Variants in PHACTR3 observed in about 807,000 individuals in gnomAD.
The protein encoded by PHACTR3 is phosphatase and actin regulator 3.
PHACTR3 carries 16 observed loss-of-function variants against 66.8 expected under a neutral mutation model. That is an observed-to-expected ratio of 0.24 (90% CI 0.16 to 0.36). The LOEUF is 0.36. PHACTR3 is among the 10% of genes least tolerant of loss of function. PHACTR3 has a pLI of 1.00. For missense variants in PHACTR3, 647 were observed against 719.9 expected (o/e 0.90, Z 1.16); for synonymous variants, 323 against 292.1 (o/e 1.11, Z -1.08).
chr20:59,818,636 G>A (rs1170847326), intron 8 of PHACTR3, among the ~76,000 whole-genome samples: 1 of 152,226 alleles, frequency 6.6e-6, no homozygotes, highest in Non-Finnish European at 1.5e-5. Context: ...TGGGTACTCG[G>A]TGATTTTGCA....
intron 1 of PHACTR3, among the ~76,000 whole-genome samples, chr20:59,732,344 T>C (rs138128261): frequency 2.0e-5 from 3 of 152,200 alleles, no homozygotes; most frequent in East Asian, 3.8e-4. Flanking sequence ...ACTTTTTAAA[T>C]GTAAAATGGA....
At position 59,711,366 on chromosome 20, in the gene PHACTR3, G is replaced by C. The variant is rs369248258; in HGVS notation, c.119-31741G>C. On this transcript the variant is annotated intron_variant, in intron 1 of 12. Transcript: ENST00000371015. ...ACACACATTGCCAAACGTTTTCTCA[G>C]AAAGGTGGTATTTGTTTTCACTCCC... Among the ~76,000 whole-genome samples, 168 of 152,264 alleles carry C rather than the reference G, an allele frequency of 1.1e-3. 1 individual carries two copies. The highest frequency in any genetic ancestry group is 3.7e-3 in the African/African-American group (153 of 41,564).
chr20:59,664,560 C>T (rs2035922328), intron 1 of PHACTR3, among the ~76,000 whole-genome samples: 1 of 152,198 alleles, frequency 6.6e-6, no homozygotes, highest in African/African-American at 2.4e-5. Context: ...ACAGCCTTGA[C>T]CTTCTCCTAC....
intron 1 of PHACTR3, among the ~76,000 whole-genome samples, chr20:59,638,332 T>C (rs982819550): frequency 3.2e-4 from 48 of 152,252 alleles, no homozygotes; most frequent in African/African-American, 1.1e-3. Flanking sequence ...TTATACACAG[T>C]AGAGTCTCCA....
At chr20:59,700,514 T>C (rs191794520) in intron 1 of PHACTR3, among the ~76,000 whole-genome samples, 45 of 152,346 alleles carry the variant, frequency 3.0e-4, no homozygotes, top group African/African-American at 1.1e-3. Context: ...GCAGCACTGT[T>C]TGTCAATGCC....
At chr20:59,792,116 G>A (rs979727491) in intron 7 of PHACTR3, among the ~76,000 whole-genome samples, 1 of 152,194 alleles carries the variant, frequency 6.6e-6, no homozygotes, top group Non-Finnish European at 1.5e-5. Context: ...AGAGAGGGCA[G>A]CTCTTCCTGG....
intron 1 of PHACTR3, among the ~76,000 whole-genome samples, chr20:59,741,332 G>A (rs2039155685): frequency 6.6e-6 from 1 of 152,268 alleles, no homozygotes; most frequent in Non-Finnish European, 1.5e-5. Flanking sequence ...GGTCCTGGCA[G>A]AGGTCTGGGC....
chr20:59,670,139 T>C (rs891022157), intron 1 of PHACTR3, among the ~76,000 whole-genome samples: 1 of 152,240 alleles, frequency 6.6e-6, no homozygotes, highest in African/African-American at 2.4e-5. Flanking sequence ...CTGCTCTTTC[T>C]TCTGATCTTT....
chr20:59,757,778 G>T (rs369771765), intron 4 of PHACTR3, among the ~76,000 whole-genome samples: 1 of 152,156 alleles, frequency 6.6e-6, no homozygotes, highest in African/African-American at 2.4e-5. Flanking sequence ...ATAGCATGAC[G>T]CCATCTCTAC....
chr20:59,607,296 G>T (rs566512430), intron 1 of PHACTR3, among the ~76,000 whole-genome samples: 4 of 152,216 alleles, frequency 2.6e-5, no homozygotes, highest in African/African-American at 9.6e-5. Context: ...TGGGGTTTTA[G>T]GTATTGAAAC....
In PHACTR3 at chr20:59,781,462, G is replaced by A. The variant is rs541753673; in HGVS notation, c.1174+6972G>A. Reference sequence around the variant, plus strand: ...CACATCTGGGCCCTGGCTGCCTTTCGGTAGCTCACAGGTGATGTCAGTGAC... The same window carrying A: ...CACATCTGGGCCCTGGCTGCCTTTCAGTAGCTCACAGGTGATGTCAGTGAC... On this transcript the variant is annotated intron_variant, in intron 7 of 12. Coordinates refer to ENST00000371015, the MANE Select transcript of PHACTR3 (RefSeq NM_080672.5). Among the ~76,000 whole-genome samples the A allele has an allele frequency of 5.3e-5, 8 of 152,278 alleles. No homozygotes were observed. The South Asian group carries it at 1.5e-3, about 28-fold the overall frequency.
chr20:59,839,541 G>A (rs568549329), intron 9 of PHACTR3, among the ~76,000 whole-genome samples: 10 of 152,172 alleles, frequency 6.6e-5, no homozygotes, highest in Admixed American at 3.3e-4. Context: ...TCAGGTCAGG[G>A]ACATAAGGCT....
intron 1 of PHACTR3, among the ~76,000 whole-genome samples, chr20:59,722,825 G>T (rs6070927): frequency 6.6e-6 from 1 of 152,176 alleles, no homozygotes; most frequent in African/African-American, 2.4e-5. Flanking sequence ...CTCTGCTCAC[G>T]GTGGGGGCAT....
chr20:59,816,509 A>C (rs2041891718), intron 8 of PHACTR3, among the ~76,000 whole-genome samples: 1 of 152,212 alleles, frequency 6.6e-6, no homozygotes, highest in Non-Finnish European at 1.5e-5. Context: ...GAGTGAGGAC[A>C]TGAACCTGAG....
At chr20:59,689,493 G>T (rs2037023988) in intron 1 of PHACTR3, among the ~76,000 whole-genome samples, 1 of 152,242 alleles carries the variant, frequency 6.6e-6, no homozygotes, top group Non-Finnish European at 1.5e-5. Context: ...TGCCTGTTGA[G>T]GAGCAAACCA....
intron 1 of PHACTR3, among the ~76,000 whole-genome samples, chr20:59,649,775 A>G (rs1467537726): frequency 6.6e-6 from 1 of 152,188 alleles, no homozygotes; most frequent in African/African-American, 2.4e-5. Flanking sequence ...ATTGTCCCTA[A>G]CCACTCAATC....
At position 59,800,363 on chromosome 20, in the gene PHACTR3, GC is replaced by G. The variant is rs368091994; in HGVS notation, c.1175-5677del. On this transcript the variant is annotated intron_variant, in intron 7 of 12. Transcript: ENST00000371015. Reference sequence around the variant, plus strand: ...GGTCTGCTGGTGATGAAATCTTCCAGCTTTTTTATGTCCAAGAAGGTACTTA... The same window carrying G: ...GGTCTGCTGGTGATGAAATCTTCCAGTTTTTTATGTCCAAGAAGGTACTTA... 3.2e-4 allele frequency among the ~76,000 whole-genome samples: 48 copies of G among 152,164 alleles called. No individual in the cohort carries two copies. In the East Asian group the frequency reaches 5.4e-3, roughly 17 times the overall value.
Position 59,767,357 on chromosome 20 carries a change from C to A in PHACTR3, c.713C>A (p.Pro238Gln), listed in dbSNP as rs773627982. The change falls in exon 5 of 13, where the codon CCA becomes CAA. Residue 238 changes from proline to glutamine, a missense_variant. This residue lies in a region of PHACTR3 where 577 missense variants were observed against 571.1 expected (regional missense o/e 1.01). Coordinates refer to ENST00000371015, the MANE Select transcript of PHACTR3 (RefSeq NM_080672.5). ...AGCCCCCCACTGCTGCCCACTCCGCCACCCAAGGCAAGCTCCAAAACCACA... is the reference window on the plus strand; with the variant it reads ...AGCCCCCCACTGCTGCCCACTCCGCAACCCAAGGCAAGCTCCAAAACCACA... ...LPSPPLLPTP[P>Q]PKASSKTTKN... is the part of the protein sequence containing the mutation. 2.5e-6 allele frequency: 4 copies of A among 1,613,972 alleles called. No homozygotes were observed. The Admixed American group carries it at 6.7e-5, about 27-fold the overall frequency.
chr20:59,584,509 A>G (rs2032962813), intron 1 of PHACTR3, among the ~76,000 whole-genome samples: 2 of 151,898 alleles, frequency 1.3e-5, no homozygotes, highest in Admixed American at 1.3e-4. Context: ...CATGAATATT[A>G]CATGCATGAG....
Sources: gnomAD v4.1 joint callset for allele counts (sites outside exome capture counted in the v4.1 genomes callset) on GRCh38, gnomAD v4.1.1 for gene constraint, gnomAD v4.1.1 regional missense constraint, MANE v1.5 for transcripts, NCBI Gene and HGNC (gene_info 2026-07-23, HGNC 2026-07-21) for gene names.